The following PEX14 variants were observed in gnomAD, a reference collection of about 807,000 sequenced individuals.
The protein encoded by PEX14 is peroxisomal membrane protein PEX14.
A neutral mutation model predicts 49.5 loss-of-function variants in PEX14; 15 were observed. The ratio of observed to expected loss-of-function variants is 0.30; its 90% CI spans 0.20 to 0.47. The LOEUF (loss-of-function observed/expected upper bound fraction) is 0.47, where lower values mean the gene tolerates loss of function less well. Among genes scored for constraint, PEX14 ranks in the 20% least tolerant of loss-of-function variants. PEX14 has a pLI of 1.00. For missense variants in PEX14, 398 were observed against 494.8 expected (o/e 0.80, Z 1.86); for synonymous variants, 210 against 212.7 (o/e 0.99, Z 0.11).
chr1:10,475,123 GC>G, intron 1 of PEX14, 121 bp downstream of exon 1: 1 of 924,662 alleles, frequency 1.1e-6, no homozygotes, highest in Non-Finnish European at 1.7e-6. Flanking sequence ...CCGACCTCTT[GC>G]CCCCTCCTGA....
intron 3 of PEX14, among the ~76,000 whole-genome samples, chr1:10,553,842 A>T (rs1375806439): frequency 1.3e-5 from 2 of 151,914 alleles, no homozygotes; most frequent in African/African-American, 4.8e-5. Context: ...GTGACAGTCA[A>T]CCTGTTTGCT....
chr1:10,531,785 T>A (rs1328719047), intron 2 of PEX14, among the ~76,000 whole-genome samples: 1 of 152,168 alleles, frequency 6.6e-6, no homozygotes, highest in Non-Finnish European at 1.5e-5. Context: ...CTGGAGACAA[T>A]GCATCAGGTT....
chr1:10,498,314 A>G (rs966358266), intron 2 of PEX14, among the ~76,000 whole-genome samples: 1 of 150,890 alleles, frequency 6.6e-6, no homozygotes, highest in African/African-American at 2.5e-5. Flanking sequence ...ACAAAACAAA[A>G]CAAAAGAATG....
intron 3 of PEX14, among the ~76,000 whole-genome samples, chr1:10,577,793 C>T (rs1006902661): frequency 2.7e-5 from 4 of 149,030 alleles, no homozygotes; most frequent in African/African-American, 9.9e-5. Flanking sequence ...TTAGTAGAGA[C>T]GGTTTCACCG....
At chr1:10,563,237 C>T (rs1056848832) in intron 3 of PEX14, among the ~76,000 whole-genome samples, 1 of 150,522 alleles carries the variant, frequency 6.6e-6, no homozygotes, top group Non-Finnish European at 1.5e-5. Context: ...ATTTTCTAAT[C>T]CTCTTACTAT....
chr1:10,618,199 T>C (rs142105861), intron 4 of PEX14, 133 bp from the exon 5 acceptor site: 77 of 695,824 alleles, frequency 1.1e-4, no homozygotes, highest in African/African-American at 1.0e-3. Context: ...TGTGCTGCCT[T>C]CCTGCGTTGG....
rs192395818 is a variant in PEX14, at chr1:10,589,487, A to G, written c.170-9751A>G. 4.7e-4 allele frequency among the ~76,000 whole-genome samples: 71 copies of G among 152,302 alleles called. 1 individual carries two copies. In the East Asian group the frequency reaches 0.01, roughly 22 times the overall value. ...TCAAGTCTCAAACCTCCTGGGCTCAAGCAATCCCCACCTCAGCCTCCCAAG... is the reference window on the plus strand; with the variant it reads ...TCAAGTCTCAAACCTCCTGGGCTCAGGCAATCCCCACCTCAGCCTCCCAAG... On this transcript the variant is annotated intron_variant, in intron 3 of 8. Transcript: ENST00000356607.
In PEX14 at chr1:10,591,415, T is replaced by G. The variant is rs895978668; in HGVS notation, c.170-7823T>G. 2.6e-5 allele frequency among the ~76,000 whole-genome samples: 4 copies of G among 152,222 alleles called. No individual in the cohort carries two copies. The South Asian group carries it at 8.3e-4, about 31-fold the overall frequency. On this transcript the variant is annotated intron_variant, in intron 3 of 8. Coordinates refer to ENST00000356607, the MANE Select transcript of PEX14 (RefSeq NM_004565.3). ...CTCTTCCAGAAAACGGGGTGAACCA[T>G]TGTGATCTTGTTAAGGATCAAGTCT... is the stretch of plus-strand genomic sequence containing the variant.
chr1:10,610,497 T>G (rs1020678902), intron 4 of PEX14, among the ~76,000 whole-genome samples: 11 of 152,000 alleles, frequency 7.2e-5, no homozygotes, highest in African/African-American at 2.7e-4. Context: ...TCTTTTTTTT[T>G]TGAGATGGAG....
intron 3 of PEX14, among the ~76,000 whole-genome samples, chr1:10,556,019 C>T (rs940552350): frequency 2.0e-5 from 3 of 148,786 alleles, no homozygotes; most frequent in East Asian, 4.0e-4. Flanking sequence ...GCTGGCACTG[C>T]GGAGCCAGCG....
rs56306413 is a variant in PEX14 at position 10,514,156 on chromosome 1, CTGTGTGTG to C, written c.84+18871_84+18878del. 0.02 allele frequency among the ~76,000 whole-genome samples: 2,933 copies of C among 143,222 alleles called. 95 individuals are homozygous for C. Among genetic ancestry groups the C allele is most frequent in the African/African-American group, 0.065 (2,576 of 39,400 alleles). 94.0% of individuals were successfully genotyped at this position (143,222 alleles called of 152,430 possible). ...AAAATGTATAAAATAATCTATGCCT[CTGTGTGTG>C]TGTGTGTGTGTGTGTGTGTGTGTGT... On this transcript the variant is annotated intron_variant, in intron 2 of 8. Coordinates refer to ENST00000356607, the MANE Select transcript of PEX14 (RefSeq NM_004565.3). The surrounding 1 kb of genome is among the most constrained non-coding windows in gnomAD (Gnocchi z 4.4).
intron 3 of PEX14, among the ~76,000 whole-genome samples, chr1:10,570,882 C>G (rs559352371): frequency 1.8e-5 from 2 of 109,782 alleles, no homozygotes; most frequent in East Asian, 3.0e-4. Context: ...GTATCTTACT[C>G]TGTTGCCCAG....
chr1:10,607,614 G>T (rs1641162575), intron 4 of PEX14, among the ~76,000 whole-genome samples: 1 of 151,878 alleles, frequency 6.6e-6, no homozygotes, highest in Non-Finnish European at 1.5e-5. Context: ...TGGTGGTTTG[G>T]GTTTATATTT....
chr1:10,523,337 T>A (rs1002806328), intron 2 of PEX14, among the ~76,000 whole-genome samples: 3 of 152,206 alleles, frequency 2.0e-5, no homozygotes, highest in Non-Finnish European at 2.9e-5. Flanking sequence ...CCTGATTTCT[T>A]CTGCTATTCC....
intron 7 of PEX14, among the ~76,000 whole-genome samples, chr1:10,625,909 C>G (rs978336284): frequency 6.6e-6 from 1 of 152,216 alleles, no homozygotes; most frequent in African/African-American, 2.4e-5. Context: ...TGGCCCACCC[C>G]AGCCTTCTCT....
intron 3 of PEX14, among the ~76,000 whole-genome samples, chr1:10,543,140 C>CT (rs1361738558): frequency 6.6e-6 from 1 of 152,116 alleles, no homozygotes; most frequent in Non-Finnish European, 1.5e-5. Context: ...TTCTTGCTTT[C>CT]TTTTTTTGTT....
intron 3 of PEX14, among the ~76,000 whole-genome samples, chr1:10,576,324 A>C (rs1640114316): frequency 6.6e-6 from 1 of 152,182 alleles, no homozygotes; most frequent in South Asian, 2.1e-4. Flanking sequence ...ACATGTATTG[A>C]GGGCTGATTA....
chr1:10,556,892 C>G (rs886580969), intron 3 of PEX14, among the ~76,000 whole-genome samples: 1 of 152,020 alleles, frequency 6.6e-6, no homozygotes, highest in Non-Finnish European at 1.5e-5. Flanking sequence ...ACTGAGGCAC[C>G]TGGAAGAATC....
intron 3 of PEX14, among the ~76,000 whole-genome samples, chr1:10,581,730 A>G (rs1640326434): frequency 6.8e-6 from 1 of 146,796 alleles, no homozygotes; most frequent in African/African-American, 2.4e-5. Flanking sequence ...TAAGTTTATA[A>G]TAATTTATAT....
Sources: gnomAD v4.1 joint callset for allele counts (sites outside exome capture counted in the v4.1 genomes callset) on GRCh38, gnomAD v4.1.1 for gene constraint, Gnocchi (gnomAD v3.1) non-coding constraint, MANE v1.5 for transcripts, NCBI Gene and HGNC (gene_info 2026-07-23, HGNC 2026-07-21) for gene names.